Variants in DCDC1 observed in about 807,000 individuals in gnomAD.
The protein encoded by DCDC1 is doublecortin domain-containing protein 1.
A neutral mutation model predicts 178.3 loss-of-function variants in DCDC1; 200 were observed. The ratio of observed to expected loss-of-function variants is 1.12; its 90% CI spans 1.00 to 1.26. The LOEUF (loss-of-function observed/expected upper bound fraction) is 1.26, where lower values mean the gene tolerates loss of function less well. Among genes scored for constraint, DCDC1 ranks in the 50% most tolerant of loss-of-function variants. The probability of loss-of-function intolerance (pLI) is 0.00; values close to 1 mark genes in which losing one functional copy is unlikely to be tolerated. For missense variants in DCDC1, 1,983 were observed against 1,749.2 expected (o/e 1.13, Z -2.38); for synonymous variants, 690 against 604.8 (o/e 1.14, Z -2.07).
intron 36 of DCDC1, among the ~76,000 whole-genome samples, chr11:30,891,453 G>A (rs78711329): frequency 0.016 from 2,422 of 152,136 alleles, 69 homozygotes; most frequent in African/African-American, 0.055. Context: ...GAATCTGATA[G>A]GCTATCTTCC....
intron 9 of DCDC1, among the ~76,000 whole-genome samples, chr11:31,167,923 T>C (rs1166843944): frequency 6.6e-6 from 1 of 152,168 alleles, no homozygotes; most frequent in Non-Finnish European, 1.5e-5. Flanking sequence ...GAAGATACAA[T>C]AGTGAACAAG....
chr11:31,035,381 G>A (rs533036145), intron 20 of DCDC1, among the ~76,000 whole-genome samples: 3 of 152,182 alleles, frequency 2.0e-5, no homozygotes, highest in South Asian at 2.1e-4. Flanking sequence ...TAGTTATCAC[G>A]TCTCCTTAGT....
At chr11:31,193,896 C>T (rs763315908) in intron 9 of DCDC1, among the ~76,000 whole-genome samples, 17 of 152,026 alleles carry the variant, frequency 1.1e-4, no homozygotes, top group Non-Finnish European at 1.9e-4. Flanking sequence ...TTAGAAAGTA[C>T]TCATGTCAAT....
At chr11:31,123,215 T>C (rs1278879618) in intron 11 of DCDC1, among the ~76,000 whole-genome samples, 1 of 152,040 alleles carries the variant, frequency 6.6e-6, no homozygotes, top group East Asian at 1.9e-4. Context: ...CACAACCAAT[T>C]TTCAGATACA....
chr11:31,311,542 G>A (rs914547538), intron 3 of DCDC1, among the ~76,000 whole-genome samples: 1 of 152,182 alleles, frequency 6.6e-6, no homozygotes, highest in African/African-American at 2.4e-5. Flanking sequence ...TTTAATATTA[G>A]TTTTTCACTT....
chr11:31,064,840 T>C (rs1956158384), intron 19 of DCDC1, among the ~76,000 whole-genome samples, 179 bp downstream of exon 19: 1 of 152,208 alleles, frequency 6.6e-6, no homozygotes, highest in Admixed American at 6.5e-5. Context: ...TAAAGTTATA[T>C]GTTTACATAA....
chr11:31,330,295 A>T (rs543409223), intron 2 of DCDC1, among the ~76,000 whole-genome samples: 126 of 152,202 alleles, frequency 8.3e-4, no homozygotes, highest in African/African-American at 2.9e-3. Flanking sequence ...TTCTGGATAT[A>T]AGCCCTTTGT....
intron 6 of DCDC1, among the ~76,000 whole-genome samples, chr11:31,293,993 C>G (rs1176529397): frequency 6.6e-6 from 1 of 152,294 alleles, no homozygotes; most frequent in East Asian, 1.9e-4. Context: ...ACTCTCTCGG[C>G]GAGACCTTGA....
At chr11:31,308,060 A>G (rs1948568336) in intron 3 of DCDC1, 152 bp from the exon 4 acceptor site, 2 of 1,055,164 alleles carry the variant, frequency 1.9e-6, no homozygotes, top group South Asian at 1.7e-5. Context: ...ATTCCTGGGA[A>G]GTGGTTATTA....
intron 7 of DCDC1, among the ~76,000 whole-genome samples, chr11:31,283,200 G>A (rs902481457): frequency 6.6e-6 from 1 of 152,026 alleles, no homozygotes; most frequent in African/African-American, 2.4e-5. Flanking sequence ...CCAATTATAC[G>A]TCTATTAGAC....
intron 35 of DCDC1, among the ~76,000 whole-genome samples, chr11:30,893,557 CCTT>C (rs1342110069): frequency 6.6e-6 from 1 of 152,174 alleles, no homozygotes; most frequent in Non-Finnish European, 1.5e-5. Flanking sequence ...AGTGATTTAT[CCTT>C]CTTAGCTTGG....
chr11:31,064,425 C>T lies in DCDC1; in HGVS notation c.2591+44G>A, dbSNP rs755457633. ...CTTACATGAAACTGAAGGAAAATAT[C>T]GAATGTCATTGAGCAATAAAGCTCA... On this transcript the variant is annotated intron_variant, in intron 20 of 38. Coordinates refer to ENST00000684477, the MANE Select transcript of DCDC1 (RefSeq NM_001387274.1). The T allele has an allele frequency of 2.8e-5, 19 of 673,340 alleles. No homozygotes were observed. In the Middle Eastern group the frequency reaches 2.5e-3, roughly 88 times the overall value. The allele number at this position is 673,340 out of a possible 1,614,324, so 41.7% of individuals were successfully genotyped here. A position where few individuals can be genotyped will look rare whatever the true frequency, so the allele number is the denominator to read the frequency against.
chr11:30,943,331 A>G (rs77854341), intron 21 of DCDC1: 6,156 of 167,362 alleles, frequency 0.037, 401 homozygotes, highest in African/African-American at 0.14. Flanking sequence ...ATATTCTTCA[A>G]TGTTCTCTCC....
intron 19 of DCDC1, 73 bp downstream of exon 19, chr11:31,064,946 T>C (rs1192239558): frequency 4.7e-6 from 3 of 635,796 alleles, no homozygotes; most frequent in Non-Finnish European, 5.6e-6. Flanking sequence ...GAAAACAACT[T>C]GAACATTTTT....
At chr11:30,899,733 AT>A (rs1944518929) in intron 33 of DCDC1, 91 bp from the exon 34 acceptor site, 1 of 923,844 alleles carries the variant, frequency 1.1e-6, no homozygotes, top group African/African-American at 1.7e-5. Context: ...AAAGAAATAG[AT>A]TCAATTAGAA....
intron 9 of DCDC1, among the ~76,000 whole-genome samples, chr11:31,174,691 T>C (rs1383321697): frequency 6.6e-6 from 1 of 152,076 alleles, no homozygotes; most frequent in East Asian, 1.9e-4. Context: ...CTTCCTCCCC[T>C]CTGAAGCCCA....
At chr11:31,328,757 G>A (rs571842663) in intron 2 of DCDC1, among the ~76,000 whole-genome samples, 10 of 150,358 alleles carry the variant, frequency 6.7e-5, no homozygotes, top group African/African-American at 2.0e-4. Context: ...CTTGCAGTGC[G>A]GTGAGATCGC....
intron 9 of DCDC1, among the ~76,000 whole-genome samples, chr11:31,165,152 A>G (rs2136188049): frequency 6.6e-6 from 1 of 152,322 alleles, no homozygotes; most frequent in Middle Eastern, 3.4e-3. Context: ...GCCTTTCCAA[A>G]ACAACAGTAT....
chr11:30,955,653 A>C (rs1469715932), intron 20 of DCDC1, among the ~76,000 whole-genome samples: 1 of 152,156 alleles, frequency 6.6e-6, no homozygotes, highest in Non-Finnish European at 1.5e-5. Flanking sequence ...TCCGTATTCC[A>C]ATAATTCCTC....
Sources: gnomAD v4.1 joint callset for allele counts (sites outside exome capture counted in the v4.1 genomes callset) on GRCh38, gnomAD v4.1.1 for gene constraint, MANE v1.5 for transcripts, NCBI Gene and HGNC (gene_info 2026-07-23, HGNC 2026-07-21) for gene names.